The following TMED3 variants were observed in gnomAD, a reference collection of about 807,000 sequenced individuals.
TMED3 encodes transmembrane p24 trafficking protein 3.
TMED3 carries 9 observed loss-of-function variants against 15.0 expected under a neutral mutation model. That is an observed-to-expected ratio of 0.60 (90% confidence interval 0.36 to 1.04). TMED3 has a LOEUF of 1.04. Among genes scored for constraint, TMED3 ranks in the 50% least tolerant of loss-of-function variants. The pLI is 0.01. For missense variants in TMED3, 267 were observed against 278.9 expected (o/e 0.96, Z 0.30); for synonymous variants, 117 against 121.4 (o/e 0.96, Z 0.24).
chr15:79,328,354 C>A (rs549250581), intron 2 of TMED3, among the ~76,000 whole-genome samples: 1 of 101,382 alleles, frequency 9.9e-6, no homozygotes, highest in South Asian at 2.9e-4. Flanking sequence ...AAATTAAAAA[C>A]CCCATTTTCC....
At chr15:79,342,085 A>G (rs942345193) in intron 2 of TMED3, among the ~76,000 whole-genome samples, 12 of 152,256 alleles carry the variant, frequency 7.9e-5, no homozygotes, top group Non-Finnish European at 1.5e-4. Flanking sequence ...ATGACTAAAT[A>G]TGTCATTATC....
At chr15:79,320,650 T>G (rs1316658746) in intron 2 of TMED3, among the ~76,000 whole-genome samples, 1 of 152,216 alleles carries the variant, frequency 6.6e-6, no homozygotes, top group Admixed American at 6.5e-5. Context: ...GATAGAATTT[T>G]CTAGGTCTTG....
chr15:79,387,938 G>T (rs2141252462), intron 2 of TMED3, among the ~76,000 whole-genome samples: 1 of 152,072 alleles, frequency 6.6e-6, no homozygotes, highest in South Asian at 2.1e-4. Context: ...TGACAATTTT[G>T]CTAATCTTTC....
chr15:79,397,427 C>T (rs572089096), intron 2 of TMED3, among the ~76,000 whole-genome samples: 3 of 152,062 alleles, frequency 2.0e-5, no homozygotes, highest in Non-Finnish European at 1.5e-5. Flanking sequence ...ATCTGAAGAG[C>T]CTCTTTCCCT....
At chr15:79,379,385 T>C (rs1673238256) in intron 2 of TMED3, among the ~76,000 whole-genome samples, 1 of 152,222 alleles carries the variant, frequency 6.6e-6, no homozygotes, top group Non-Finnish European at 1.5e-5. Context: ...TCAGTCACAT[T>C]AGGTTTACTT....
intron 2 of TMED3, among the ~76,000 whole-genome samples, chr15:79,339,882 A>G (rs2058844740): frequency 8.2e-6 from 1 of 122,038 alleles, no homozygotes; most frequent in Non-Finnish European, 1.8e-5. Context: ...GGTAGTGGTG[A>G]TGGTGGTGAT....
chr15:79,358,528 A>G (rs1893060625), intron 2 of TMED3, among the ~76,000 whole-genome samples: 1 of 152,090 alleles, frequency 6.6e-6, no homozygotes, highest in Admixed American at 6.6e-5. Context: ...GTGGGGGTGG[A>G]GTCTGTCTCT....
At position 79,313,812 on chromosome 15, in the gene TMED3, A is replaced by G. The variant is rs868343566; in HGVS notation, c.224A>G (p.Asn75Ser). The G allele has an allele frequency of 9.9e-6, 16 of 1,614,234 alleles. No individual in the cohort carries two copies. Among genetic ancestry groups the G allele is most frequent in the Non-Finnish European group, 1.4e-5 (16 of 1,180,036 alleles). ...VDCYVEDPQG[N>S]TIYRETKKQY... ...TGCTATGTAGAGGACCCCCAGGGGA[A>G]CACCATCTACAGAGAAACGAAGAAG... Residue 75 changes from asparagine to serine, a missense_variant, in exon 2 of 3, where the codon AAC becomes AGC. Coordinates refer to ENST00000299705, the MANE Select transcript of TMED3 (RefSeq NM_007364.4).
At chr15:79,410,700 A>G (rs12441522) in intron 2 of TMED3, among the ~76,000 whole-genome samples, 13,066 of 147,860 alleles carry the variant, frequency 0.088, 611 homozygotes, top group Admixed American at 0.12. Flanking sequence ...GTGTGTGTGT[A>G]TATATATATA....
intron 2 of TMED3, among the ~76,000 whole-genome samples, chr15:79,358,515 A>T (rs994190624): frequency 6.6e-6 from 1 of 152,038 alleles, no homozygotes; most frequent in Admixed American, 6.6e-5. Context: ...GAAGCTGGGG[A>T]TGGTGGGGGT....
At chr15:79,318,213 TGG>T (rs10708527) in intron 2 of TMED3, among the ~76,000 whole-genome samples, 3 of 152,152 alleles carry the variant, frequency 2.0e-5, no homozygotes, top group African/African-American at 7.2e-5. Flanking sequence ...ATCTTTCTCC[TGG>T]GGTGTTCCTG....
intron 2 of TMED3, among the ~76,000 whole-genome samples, chr15:79,401,860 T>C (rs1291138141): frequency 1.3e-5 from 2 of 152,122 alleles, no homozygotes; most frequent in Non-Finnish European, 2.9e-5. Context: ...TGGTTAGCGA[T>C]TGAAATCCCA....
chr15:79,348,995 T>C (rs1233271660), intron 2 of TMED3, among the ~76,000 whole-genome samples: 1 of 151,850 alleles, frequency 6.6e-6, no homozygotes, highest in African/African-American at 2.4e-5. Flanking sequence ...CACACCACCA[T>C]GCCCACTAGT....
chr15:79,372,905 T>G (rs71409228), intron 2 of TMED3, among the ~76,000 whole-genome samples: 9,561 of 152,282 alleles, frequency 0.063, 419 homozygotes, highest in Non-Finnish European at 0.091. Context: ...TCTTTTCAAG[T>G]CAAATTTCAG....
chr15:79,331,045 G>A (rs1448521233), intron 2 of TMED3, among the ~76,000 whole-genome samples: 1 of 152,200 alleles, frequency 6.6e-6, no homozygotes. Flanking sequence ...TACTCATGAA[G>A]CCAACACTTC....
At chr15:79,354,727 C>G (rs1261129189) in intron 2 of TMED3, among the ~76,000 whole-genome samples, 5 of 152,132 alleles carry the variant, frequency 3.3e-5, no homozygotes, top group African/African-American at 9.7e-5. Flanking sequence ...TCACATGGAG[C>G]AAGATAGAAG....
intron 2 of TMED3, among the ~76,000 whole-genome samples, chr15:79,320,054 G>A (rs2058759182): frequency 1.3e-5 from 2 of 152,152 alleles, no homozygotes; most frequent in Admixed American, 6.5e-5. Flanking sequence ...ACTCCACTGG[G>A]AAAAGGGAGT....
chr15:79,365,554 G>A (rs1893215543), intron 2 of TMED3, among the ~76,000 whole-genome samples: 1 of 152,240 alleles, frequency 6.6e-6, no homozygotes, highest in Non-Finnish European at 1.5e-5. Flanking sequence ...GGGGAAAGAA[G>A]GAGGGTATGG....
At chr15:79,352,280 C>G (rs2058893880) in intron 2 of TMED3, among the ~76,000 whole-genome samples, 2 of 152,282 alleles carry the variant, frequency 1.3e-5, no homozygotes, top group South Asian at 4.1e-4. Context: ...CTGAACTTCC[C>G]TTGACCTGGC....
Sources: gnomAD v4.1 joint callset for allele counts (sites outside exome capture counted in the v4.1 genomes callset) on GRCh38, gnomAD v4.1.1 for gene constraint, MANE v1.5 for transcripts, NCBI Gene and HGNC (gene_info 2026-07-23, HGNC 2026-07-21) for gene names.